PCDHA12: variants seen among roughly 807,000 people sequenced by gnomAD.
The protein encoded by PCDHA12 is protocadherin alpha 12, also known as protocadherin alpha-12.
A neutral mutation model predicts 60.0 loss-of-function variants in PCDHA12; 44 were observed. That is an observed-to-expected ratio of 0.73 (90% CI 0.58 to 0.94). The LOEUF is 0.94. PCDHA12 is among the 40% of genes least tolerant of loss of function. The pLI, the probability that PCDHA12 is intolerant of heterozygous loss-of-function variation, is 0.00. For synonymous variants in PCDHA12, 569 were observed against 553.0 expected (o/e 1.03, Z -0.40); for missense variants, 1,276 against 1,239.7 (o/e 1.03, Z -0.44).
At chr5:140,947,755 G>T (rs1415482913) in intron 1 of PCDHA12, among the ~76,000 whole-genome samples, 1 of 151,450 alleles carries the variant, frequency 6.6e-6, no homozygotes, top group Non-Finnish European at 1.5e-5. Flanking sequence ...GTATTTTATG[G>T]TTTAAAAAAT....
At chr5:140,955,907 C>A (rs1356508512) in intron 1 of PCDHA12, among the ~76,000 whole-genome samples, 3 of 152,126 alleles carry the variant, frequency 2.0e-5, no homozygotes, top group East Asian at 3.8e-4. Flanking sequence ...CTCTTTGTAG[C>A]AATTGTGAAT....
chr5:140,931,585 A>G (rs1170746678), intron 1 of PCDHA12, among the ~76,000 whole-genome samples: 2 of 152,056 alleles, frequency 1.3e-5, no homozygotes, highest in Non-Finnish European at 2.9e-5. Context: ...ATTCAGTTGA[A>G]CAGTCTTTTT....
chr5:140,934,555 CT>C (rs1355336850), intron 1 of PCDHA12, among the ~76,000 whole-genome samples: 2 of 151,972 alleles, frequency 1.3e-5, no homozygotes, highest in African/African-American at 2.4e-5. Context: ...ATCATTTCTT[CT>C]TTTTTTTAAT....
intron 1 of PCDHA12, chr5:140,884,055 C>T (rs782119019): frequency 2.2e-5 from 36 of 1,613,356 alleles, no homozygotes; most frequent in Non-Finnish European, 1.7e-6. Flanking sequence ...AAGGTGCGCG[C>T]GGTGGACGCC....
intron 1 of PCDHA12, among the ~76,000 whole-genome samples, chr5:140,925,561 G>A (rs972926230): frequency 6.6e-6 from 1 of 151,674 alleles, no homozygotes; most frequent in African/African-American, 2.4e-5. Flanking sequence ...ACAAGTTAAT[G>A]GGTGCAGCAC....
chr5:141,008,633 A>G (rs1212403774), intron 3 of PCDHA12, among the ~76,000 whole-genome samples: 1 of 152,212 alleles, frequency 6.6e-6, no homozygotes, highest in African/African-American at 2.4e-5. Context: ...AGTATAATTA[A>G]CAATTTCTTC....
chr5:140,935,144 A>C (rs1289868558), intron 1 of PCDHA12, among the ~76,000 whole-genome samples: 1 of 152,184 alleles, frequency 6.6e-6, no homozygotes, highest in Non-Finnish European at 1.5e-5. Flanking sequence ...TGATACTTAG[A>C]GATATAATCT....
chr5:140,905,368 T>G (rs536118800), intron 1 of PCDHA12, among the ~76,000 whole-genome samples: 47 of 152,336 alleles, frequency 3.1e-4, no homozygotes, highest in Non-Finnish European at 4.6e-4. Flanking sequence ...TATTTCTGGT[T>G]CTCTGTTCTG....
At chr5:140,918,428 T>C (rs2078691655) in intron 1 of PCDHA12, among the ~76,000 whole-genome samples, 1 of 152,194 alleles carries the variant, frequency 6.6e-6, no homozygotes, top group African/African-American at 2.4e-5. Context: ...AGTAGGATGT[T>C]GAATAGGAGT....
intron 1 of PCDHA12, among the ~76,000 whole-genome samples, chr5:140,953,569 C>G (rs246030): frequency 0.56 from 85,556 of 151,828 alleles, 24,725 homozygotes; most frequent in African/African-American, 0.69. Context: ...TTAGTGCCCT[C>G]CTCTCCCAAA....
chr5:140,920,116 C>A (rs376109883), intron 1 of PCDHA12, among the ~76,000 whole-genome samples: 72 of 152,304 alleles, frequency 4.7e-4, no homozygotes, highest in African/African-American at 1.6e-3. Context: ...ACCTTGCCAA[C>A]ATCTTGAGTT....
At chr5:140,944,241 G>A (rs2093630107) in intron 1 of PCDHA12, among the ~76,000 whole-genome samples, 1 of 152,196 alleles carries the variant, frequency 6.6e-6, no homozygotes, top group African/African-American at 2.4e-5. Context: ...AGGCTGGAGT[G>A]CAGTGATGTG....
At chr5:141,009,577 C>T in intron 3 of PCDHA12, 50 bp from the exon 4 acceptor site, 1 of 1,584,324 alleles carries the variant, frequency 6.3e-7, no homozygotes, top group South Asian at 1.2e-5. Flanking sequence ...AGTGTGGCAT[C>T]AAGAGCATGT....
chr5:140,915,626 GTC>G (rs57920489), intron 1 of PCDHA12, among the ~76,000 whole-genome samples: 12,146 of 145,794 alleles, frequency 0.083, 491 homozygotes, highest in Middle Eastern at 0.12. Context: ...GTCTCTTTCT[GTC>G]TCTCTCTCTC....
At position 140,877,725 on chromosome 5, in the gene PCDHA12, G is replaced by T. The variant is rs570815670; in HGVS notation, c.2253G>T (p.Ser751=). Residue 751 remains serine, a synonymous_variant, in exon 1 of 4, where the codon TCG becomes TCT. Coordinates refer to ENST00000398631, the MANE Select transcript of PCDHA12 (RefSeq NM_018903.4). Reference sequence around the variant, plus strand: ...GCGCCGTGGGGAGTTGGTCTTACTCGCAGCAGAGGAGGCAGAGGGTGTGCT... The same window carrying T: ...GCGCCGTGGGGAGTTGGTCTTACTCTCAGCAGAGGAGGCAGAGGGTGTGCT... The part of the protein sequence containing the change: ...CSSAVGSWSY[S]QQRRQRVCSA... 5.6e-6 allele frequency: 9 copies of T among 1,614,124 alleles called. No individual in the cohort carries two copies. The South Asian group carries it at 8.8e-5, about 16-fold the overall frequency.
At chr5:141,004,378 G>A (rs914260481) in intron 3 of PCDHA12, among the ~76,000 whole-genome samples, 3 of 152,198 alleles carry the variant, frequency 2.0e-5, no homozygotes, top group Admixed American at 6.5e-5. Context: ...TCTGCTCTGC[G>A]GAAGCTGGAC....
At position 140,877,311 on chromosome 5, in the gene PCDHA12, G is replaced by A. The variant is rs200978234; in HGVS notation, c.1839G>A (p.Pro613=). The change falls in exon 1 of 4, where the codon CCG becomes CCA. Residue 613 remains proline (P), a synonymous_variant. Transcript: ENST00000398631. ...YNAWLSYELQ[P]AAVGAHIPFH... ...CTTGGCTGTCCTACGAGTTGCAACC[G>A]GCGGCGGTCGGCGCGCACATCCCGT... The A allele has an allele frequency of 1.2e-6, 2 of 1,613,852 alleles. No individual in the cohort carries two copies. The highest frequency in any genetic ancestry group is 3.3e-5 in the Admixed American group (2 of 59,998).
chr5:140,996,636 T>G (rs561950169), intron 3 of PCDHA12, among the ~76,000 whole-genome samples: 17 of 152,346 alleles, frequency 1.1e-4, no homozygotes, highest in Middle Eastern at 6.8e-3. Context: ...CTGCAAATTA[T>G]GTAGTTAATC....
chr5:140,961,715 A>G (rs1363525264), intron 1 of PCDHA12, among the ~76,000 whole-genome samples: 2 of 152,160 alleles, frequency 1.3e-5, no homozygotes, highest in Non-Finnish European at 2.9e-5. Flanking sequence ...TTCATTTCTA[A>G]GTGCTCATAA....
Sources: allele counts gnomAD v4.1 joint callset (sites outside exome capture counted in the v4.1 genomes callset), GRCh38; gene constraint gnomAD v4.1.1; transcripts MANE v1.5; gene names NCBI Gene and HGNC (gene_info 2026-07-23, HGNC 2026-07-21).